Variants in N4BP1 observed in about 807,000 individuals in gnomAD.
The protein encoded by N4BP1 is NEDD4 binding protein 1, also known as NEDD4-binding protein 1.
In N4BP1, 21 loss-of-function variants were observed where a neutral mutation model predicts 70.9. The ratio of observed to expected loss-of-function variants is 0.30; its 90% CI spans 0.21 to 0.43. The LOEUF is 0.43. Ranked by LOEUF, N4BP1 falls within the 20% of genes least tolerant of loss-of-function variation. The pLI is 1.00. For missense variants in N4BP1, 936 were observed against 1,069.4 expected, an observed-to-expected ratio of 0.88 and a Z score of 1.74; for synonymous variants, 387 against 394.6, an observed-to-expected ratio of 0.98 and a Z score of 0.23.
intron 1 of N4BP1, chr16:48,600,424 AAAC>A (rs1308428018): frequency 3.0e-6 from 2 of 659,232 alleles, no homozygotes; most frequent in Non-Finnish European, 5.7e-6. Flanking sequence ...CTATGGAATA[AAAC>A]TACTGAAGCA....
At chr16:48,570,566 G>A (rs972841519) in intron 1 of N4BP1, among the ~76,000 whole-genome samples, 11 of 152,118 alleles carry the variant, frequency 7.2e-5, no homozygotes, top group African/African-American at 2.7e-4. Flanking sequence ...AGGGTGGTCT[G>A]GAACTCCTGA....
intron 1 of N4BP1, among the ~76,000 whole-genome samples, chr16:48,592,651 T>C (rs1964355248): frequency 6.6e-6 from 1 of 152,262 alleles, no homozygotes; most frequent in African/African-American, 2.4e-5. Context: ...CTAGTTTAGT[T>C]CATATAACTT....
At chr16:48,560,635 C>A (rs1267234599) in intron 2 of N4BP1, 119 bp downstream of exon 2, 6 of 1,339,250 alleles carry the variant, frequency 4.5e-6, no homozygotes, top group African/African-American at 1.5e-5. Context: ...CACCATCCGA[C>A]CCTAAGGCTA....
At chr16:48,585,772 T>C (rs1964237737) in intron 1 of N4BP1, among the ~76,000 whole-genome samples, 1 of 152,092 alleles carries the variant, frequency 6.6e-6, no homozygotes, top group African/African-American at 2.4e-5. Context: ...CTTGGCTCAC[T>C]GCAACCTCCA....
chr16:48,547,486 G>T lies in N4BP1; in HGVS notation c.2225+521C>A, dbSNP rs542716720. 4.6e-5 allele frequency among the ~76,000 whole-genome samples: 7 copies of T among 152,320 alleles called. No homozygotes were observed. The South Asian group carries it at 1.5e-3, about 32-fold the overall frequency. The stretch of plus-strand genomic sequence containing the variant: ...TGTTTTATTTTGGATGATATCTAAA[G>T]ATGTTTTCAATATAGATTATTAAAC... On this transcript the variant is annotated intron_variant, in intron 5 of 6. Transcript: ENST00000262384.
chr16:48,596,009 A>G, intron 1 of N4BP1, among the ~76,000 whole-genome samples: 1 of 152,188 alleles, frequency 6.6e-6, no homozygotes, highest in East Asian at 1.9e-4. Context: ...ATCAAAGCCA[A>G]TTTACAAAGC....
At chr16:48,547,909 A>C in intron 5 of N4BP1, 98 bp downstream of exon 5, 2 of 782,026 alleles carry the variant, frequency 2.6e-6, no homozygotes, top group Admixed American at 2.2e-5. Flanking sequence ...CCTTCTGTGG[A>C]GCCAAGGAAT....
chr16:48,586,105 T>C (rs182691444), intron 1 of N4BP1, among the ~76,000 whole-genome samples: 1 of 152,322 alleles, frequency 6.6e-6, no homozygotes, highest in Admixed American at 6.5e-5. Context: ...TAATTAATGG[T>C]TACTCTTTAG....
At chr16:48,556,542 T>C (rs560716412) in intron 2 of N4BP1, among the ~76,000 whole-genome samples, 1 of 152,312 alleles carries the variant, frequency 6.6e-6, no homozygotes, top group South Asian at 2.1e-4. Flanking sequence ...AATGAACAGT[T>C]ATCAAGTCTG....
chr16:48,597,910 G>A (rs937419889), intron 1 of N4BP1, among the ~76,000 whole-genome samples: 1 of 152,192 alleles, frequency 6.6e-6, no homozygotes, highest in African/African-American at 2.4e-5. Context: ...AAAAGTTTTG[G>A]TGGATGCAGA....
rs1380549804 is a variant in N4BP1 at position 48,539,391 on chromosome 16, GGAA to G, written c.*3510_*3512del. The G allele has an allele frequency of 6.6e-6, 1 of 152,472 alleles. No individual in the cohort carries two copies. The highest frequency in any genetic ancestry group is 2.4e-5 in the African/African-American group (1 of 41,414). 9.4% of individuals were successfully genotyped at this position (152,472 alleles called of 1,614,324 possible). ...AGGGGACCATACGGAGGGTGGGTGT[GGAA>G]GAAGGGAGGGGCCCCATGCAAGCTG... is the stretch of plus-strand genomic sequence containing the variant. On this transcript the variant is annotated 3_prime_UTR_variant, in exon 7 of 7. Coordinates refer to ENST00000262384, the MANE Select transcript of N4BP1 (RefSeq NM_153029.4).
chr16:48,598,293 T>A (rs1421280383), intron 1 of N4BP1, among the ~76,000 whole-genome samples: 3 of 152,224 alleles, frequency 2.0e-5, no homozygotes, highest in African/African-American at 7.2e-5. Flanking sequence ...AGCCATATCA[T>A]GTTTCCTTCC....
chr16:48,571,823 ATATCC>A, intron 1 of N4BP1, among the ~76,000 whole-genome samples: 1 of 152,328 alleles, frequency 6.6e-6, no homozygotes, highest in South Asian at 2.1e-4. Context: ...TCCACCTAGG[ATATCC>A]CAAATCCAAA....
At chr16:48,549,036 C>A (rs1261111936) in intron 4 of N4BP1, among the ~76,000 whole-genome samples, 1 of 151,926 alleles carries the variant, frequency 6.6e-6, no homozygotes, top group Non-Finnish European at 1.5e-5. Flanking sequence ...ATGCTTAGAC[C>A]CTCTTAATAA....
In N4BP1 at chr16:48,541,715, T is replaced by C. The variant is rs577487150; in HGVS notation, c.*1189A>G. On this transcript the variant is annotated 3_prime_UTR_variant, in exon 7 of 7. Transcript: ENST00000262384. The stretch of plus-strand genomic sequence containing the variant: ...GACAATAAGAGTAAAGATGTTAAGA[T>C]TGCCCAGGAAAAGAACTTCACTGAC... The C allele has an allele frequency of 5.2e-5, 8 of 152,690 alleles. No individual in the cohort carries two copies. The highest frequency in any genetic ancestry group is 1.2e-4 in the African/African-American group (5 of 41,558). 9.5% of individuals were successfully genotyped at this position (152,690 alleles called of 1,614,324 possible).
intron 6 of N4BP1, 51 bp downstream of exon 6, chr16:48,546,096 A>G (rs1307409168): frequency 8.0e-7 from 1 of 1,255,654 alleles, no homozygotes; most frequent in Non-Finnish European, 1.1e-6. Flanking sequence ...ACTAAAGCAC[A>G]AAGAATTGAA....
chr16:48,605,222 G>A (rs529521647), intron 1 of N4BP1, among the ~76,000 whole-genome samples: 26 of 152,194 alleles, frequency 1.7e-4, no homozygotes, highest in Admixed American at 3.9e-4. Flanking sequence ...AGTAGAGACA[G>A]GGTTTCTCCA....
At chr16:48,563,335 A>G (rs1206630696) in intron 1 of N4BP1, among the ~76,000 whole-genome samples, 1 of 152,004 alleles carries the variant, frequency 6.6e-6, no homozygotes, top group Non-Finnish European at 1.5e-5. Flanking sequence ...AGCCTGGGCC[A>G]AAGAGCGGGA....
At chr16:48,609,680 G>C in intron 1 of N4BP1, 95 bp downstream of exon 1, 1 of 1,076,730 alleles carries the variant, frequency 9.3e-7, no homozygotes, top group Non-Finnish European at 1.2e-6. Flanking sequence ...CAACCCAGGC[G>C]CATCGCGGCG....
Sources: gnomAD v4.1 joint callset for allele counts (sites outside exome capture counted in the v4.1 genomes callset) on GRCh38, gnomAD v4.1.1 for gene constraint, MANE v1.5 for transcripts, NCBI Gene and HGNC (gene_info 2026-07-23, HGNC 2026-07-21) for gene names.